Variants in PALD1 observed in about 807,000 individuals in gnomAD.
PALD1 encodes the protein phosphatase domain containing paladin 1, also known as paladin.
In PALD1, 57 loss-of-function variants were observed where a neutral mutation model predicts 96.0. That is an observed-to-expected ratio of 0.59 (90% confidence interval 0.48 to 0.74). PALD1 has a LOEUF of 0.74. Among genes scored for constraint, PALD1 ranks in the 30% least tolerant of loss-of-function variants. The pLI is 0.00. For missense variants in PALD1, 1,063 were observed against 1,143.7 expected, an observed-to-expected ratio of 0.93 and a Z score of 1.02; for synonymous variants, 464 against 473.6, an observed-to-expected ratio of 0.98 and a Z score of 0.26.
chr10:70,529,214 C>G lies in PALD1; in HGVS notation c.186-15C>G, dbSNP rs747342212. On this transcript the variant is annotated splice_polypyrimidine_tract_variant and intron_variant, in intron 2 of 19. Coordinates refer to ENST00000263563, the MANE Select transcript of PALD1 (RefSeq NM_014431.3). Reference sequence around the variant, plus strand: ...TTGACTCAGTTTCCATTCTGCCCCCCCCCCCCCCCCCCAGGTACAACTGCA... The same window carrying G: ...TTGACTCAGTTTCCATTCTGCCCCCGCCCCCCCCCCCCAGGTACAACTGCA... 8 of 202,846 alleles carry G rather than the reference C, an allele frequency of 3.9e-5. No homozygotes were observed. The highest frequency in any genetic ancestry group is 5.9e-5 in the Non-Finnish European group (6 of 101,492). The allele number at this position is 202,846 out of a possible 1,614,324, so 12.6% of individuals were successfully genotyped here. A position where few individuals can be genotyped will look rare whatever the true frequency, so the allele number is the denominator to read the frequency against.
Position 70,540,762 on chromosome 10 carries a change from T to A in PALD1, c.1909-340T>A, listed in dbSNP as rs554482921. Among the ~76,000 whole-genome samples the A allele has an allele frequency of 2.1e-4, 32 of 152,186 alleles. No individual in the cohort carries two copies. Among genetic ancestry groups the A allele is most frequent in the African/African-American group, 6.5e-4 (27 of 41,510 alleles). Reference sequence around the variant, plus strand: ...CTCAGGTGGGTGGCAGGGCCAGCAGTCTATGTGCAGCCCAGGGGCGCAGTA... The same window carrying A: ...CTCAGGTGGGTGGCAGGGCCAGCAGACTATGTGCAGCCCAGGGGCGCAGTA... On this transcript the variant is annotated intron_variant, in intron 15 of 19. Transcript: ENST00000263563. This position sits in a 1 kb window ranked among gnomAD's most constrained non-coding sequence, Gnocchi z 4.2.
chr10:70,492,795 A>G (rs1409282141), intron 1 of PALD1, among the ~76,000 whole-genome samples: 1 of 152,156 alleles, frequency 6.6e-6, no homozygotes, highest in South Asian at 2.1e-4. Flanking sequence ...GTTTGTCAGA[A>G]TGTAACCCCA....
chr10:70,517,846 T>G (rs1160621153), intron 1 of PALD1, among the ~76,000 whole-genome samples: 1 of 152,222 alleles, frequency 6.6e-6, no homozygotes, highest in Non-Finnish European at 1.5e-5. Flanking sequence ...GTAATAGTTT[T>G]GAGGTTCACC....
intron 1 of PALD1, among the ~76,000 whole-genome samples, chr10:70,525,695 T>C (rs1366866978): frequency 6.6e-6 from 1 of 152,136 alleles, no homozygotes; most frequent in East Asian, 1.9e-4. Flanking sequence ...TTTATGTCTG[T>C]CTATGTCCGT....
chr10:70,524,811 C>A (rs1270166200), intron 1 of PALD1, among the ~76,000 whole-genome samples: 1 of 152,268 alleles, frequency 6.6e-6, no homozygotes, highest in Non-Finnish European at 1.5e-5. Context: ...GAGGTTGTTT[C>A]CAATGTTGTG....
intron 1 of PALD1, among the ~76,000 whole-genome samples, chr10:70,490,432 G>A (rs1163187944): frequency 6.6e-6 from 1 of 152,080 alleles, no homozygotes; most frequent in African/African-American, 2.4e-5. Flanking sequence ...TGTTGCCCAG[G>A]TCTTCAACTC....
chr10:70,517,806 A>G (rs1353316594), intron 1 of PALD1, among the ~76,000 whole-genome samples: 1 of 152,000 alleles, frequency 6.6e-6, no homozygotes, highest in East Asian at 1.9e-4. Context: ...TATACAGTGT[A>G]AGTGTCTGGG....
chr10:70,533,009 C>T lies in PALD1; in HGVS notation c.809C>T (p.Pro270Leu). The change falls in exon 7 of 20, where the codon CCC becomes CTC. Residue 270 changes from proline to leucine, a missense_variant. Physicochemically the swap from Pro to Leu is moderately conservative, Grantham distance 98. Coordinates refer to ENST00000263563, the MANE Select transcript of PALD1 (RefSeq NM_014431.3). ...LQPTYRYHRLPLPEQGSPLEA... is the reference protein window; with the variant it reads ...LQPTYRYHRLLLPEQGSPLEA... ...TCACCTGGCAGGTACCACCGCCTGC[C>T]CCTGCCCGAGCAAGGGAGTCCCCTG... is the stretch of plus-strand genomic sequence containing the variant. 1.3e-6 allele frequency: 2 copies of T among 1,581,930 alleles called. No homozygotes were observed. Among genetic ancestry groups the T allele is most frequent in the East Asian group, 2.3e-5 (1 of 43,124 alleles).
At chr10:70,509,859 G>A (rs58767119) in intron 1 of PALD1, among the ~76,000 whole-genome samples, 4,003 of 152,276 alleles carry the variant, frequency 0.026, 165 homozygotes, top group African/African-American at 0.089. Context: ...CTCTGCTCCT[G>A]GCTGTTGGAC....
At chr10:70,499,882 A>G (rs867319891) in intron 1 of PALD1, among the ~76,000 whole-genome samples, 4 of 152,352 alleles carry the variant, frequency 2.6e-5, no homozygotes, top group African/African-American at 9.6e-5. Context: ...CTGATGCATC[A>G]GAATGGCCAC....
At chr10:70,544,797 A>C (rs528115449) in intron 17 of PALD1, among the ~76,000 whole-genome samples, 2 of 152,214 alleles carry the variant, frequency 1.3e-5, no homozygotes, top group South Asian at 4.1e-4. Context: ...TGTGGACTGG[A>C]CAGCTCCCTC....
intron 18 of PALD1, among the ~76,000 whole-genome samples, chr10:70,553,059 G>A (rs1264525291): frequency 6.6e-6 from 1 of 152,160 alleles, no homozygotes; most frequent in Non-Finnish European, 1.5e-5. Flanking sequence ...AATGGTTACT[G>A]GGGGTGCCGT....
chr10:70,554,219 G>T (rs1422231260), intron 18 of PALD1, among the ~76,000 whole-genome samples: 2 of 152,170 alleles, frequency 1.3e-5, no homozygotes, highest in South Asian at 4.2e-4. Context: ...ACCTGAGGTC[G>T]GGAGTTCAAG....
the PALD1 span, among the ~76,000 whole-genome samples, chr10:70,465,464 A>C: frequency 6.6e-6 from 1 of 152,104 alleles, no homozygotes; most frequent in East Asian, 1.9e-4. Context: ...GGGAGGGAGG[A>C]GGAGAGAATG....
At chr10:70,498,952 A>T (rs1358217938) in intron 1 of PALD1, among the ~76,000 whole-genome samples, 2 of 151,858 alleles carry the variant, frequency 1.3e-5, no homozygotes, top group African/African-American at 2.4e-5. Context: ...AAGGTATCAT[A>T]CGTCTTTGGG....
Position 70,541,002 on chromosome 10 carries a change from C to A in PALD1, c.1909-100C>A, listed in dbSNP as rs570315649. 3.7e-6 allele frequency: 5 copies of A among 1,340,164 alleles called. No individual in the cohort carries two copies. The African/African-American group carries it at 7.3e-5, about 20-fold the overall frequency. The allele number at this position is 1,340,164 out of a possible 1,614,324, so 83.0% of individuals were successfully genotyped here. On this transcript the variant is annotated intron_variant, in intron 15 of 19. Transcript: ENST00000263563. ...GCTTGGGAGCCTGACAATTTCTGGC[C>A]CGAGGACAGTGGCTGGGGCTGCCAT...
intron 18 of PALD1, among the ~76,000 whole-genome samples, chr10:70,553,984 C>T (rs1042648577): frequency 7.2e-5 from 11 of 152,200 alleles, no homozygotes; most frequent in South Asian, 2.1e-4. Context: ...GGAACAGCCT[C>T]GACCCTTCTC....
At chr10:70,490,015 C>T (rs879770274) in intron 1 of PALD1, among the ~76,000 whole-genome samples, 5 of 151,914 alleles carry the variant, frequency 3.3e-5, no homozygotes, top group African/African-American at 9.7e-5. Context: ...CTCCGCCTCC[C>T]GGGTTCAAGC....
At chr10:70,464,180 A>G in the PALD1 span, among the ~76,000 whole-genome samples, 1 of 149,074 alleles carries the variant, frequency 6.7e-6, no homozygotes, top group African/African-American at 2.5e-5. Context: ...ATAAATGATG[A>G]GATCTTATCC....
Sources: allele counts gnomAD v4.1 joint callset (sites outside exome capture counted in the v4.1 genomes callset), GRCh38; gene constraint gnomAD v4.1.1; non-coding constraint Gnocchi (gnomAD v3.1); transcripts MANE v1.5; gene names NCBI Gene and HGNC (gene_info 2026-07-23, HGNC 2026-07-21).